The following ERP27 variants were observed in gnomAD, a reference collection of about 807,000 sequenced individuals.
ERP27 encodes the protein endoplasmic reticulum protein 27, also known as endoplasmic reticulum resident protein 27.
ERP27 carries 23 observed loss-of-function variants against 27.7 expected under a neutral mutation model. The ratio of observed to expected loss-of-function variants is 0.83; its 90% CI spans 0.60 to 1.18. The LOEUF is 1.18. Among genes scored for constraint, ERP27 ranks in the 50% most tolerant of loss-of-function variants. The pLI, the probability that ERP27 is intolerant of heterozygous loss-of-function variation, is 0.00. For synonymous variants in ERP27, 159 were observed against 118.3 expected (o/e 1.34, Z -2.23); for missense variants, 363 against 327.9 (o/e 1.11, Z -0.83).
intron 3 of ERP27, 56 bp downstream of exon 3, chr12:14,934,798 ATG>A (rs2120624206): frequency 1.6e-5 from 26 of 1,601,292 alleles, no homozygotes; most frequent in Non-Finnish European, 2.0e-5. Flanking sequence ...TCACAAGTTT[ATG>A]AGTCCACAAC....
chr12:14,938,089 C>G (rs1443775399), intron 1 of ERP27, 37 bp from the exon 2 acceptor site: 2 of 1,531,034 alleles, frequency 1.3e-6, no homozygotes, highest in Non-Finnish European at 1.8e-6. Flanking sequence ...GGTACTGAGG[C>G]AAGAAGAAGC....
At chr12:14,936,646 A>G (rs949938086) in intron 2 of ERP27, among the ~76,000 whole-genome samples, 20 of 152,176 alleles carry the variant, frequency 1.3e-4, no homozygotes, top group African/African-American at 3.4e-4. Context: ...CAGTAATGGG[A>G]TCATGGGGGC....
At chr12:14,914,888 A>G (rs1863384620) in intron 6 of ERP27, 106 bp from the exon 7 acceptor site, 1 of 904,244 alleles carries the variant, frequency 1.1e-6, no homozygotes, top group African/African-American at 1.7e-5. Context: ...CTGTTATATG[A>G]AGTTTGATTT....
At chr12:14,916,707 G>C (rs1863415818) in intron 5 of ERP27, among the ~76,000 whole-genome samples, 1 of 152,098 alleles carries the variant, frequency 6.6e-6, no homozygotes, top group Admixed American at 6.6e-5. Context: ...TGAAGTAGTT[G>C]AAGTTTTACT....
At chr12:14,933,804 T>C (rs939288402) in intron 3 of ERP27, among the ~76,000 whole-genome samples, 4 of 152,186 alleles carry the variant, frequency 2.6e-5, no homozygotes, top group Non-Finnish European at 5.9e-5. Flanking sequence ...TGATATCTAA[T>C]GATCACAGGA....
chr12:14,938,119 A>G, intron 1 of ERP27, 67 bp from the exon 2 acceptor site: 1 of 1,299,288 alleles, frequency 7.7e-7, no homozygotes. Flanking sequence ...TAATGAGGGC[A>G]TCTATACCTT....
At chr12:14,927,726 GCTCTCTAATGCCTTCAGGCACA>G (rs752156865) in intron 3 of ERP27, among the ~76,000 whole-genome samples, 4 of 143,576 alleles carry the variant, frequency 2.8e-5, no homozygotes, top group Non-Finnish European at 6.0e-5. Context: ...TCTTTTACTG[GCTCTCTAATGCCTTCAGGCACA>G]CACACACACA....
rs1863762139 is a variant in ERP27 at position 14,935,622 on chromosome 12, G to T, written c.196-629C>A. On this transcript the variant is annotated intron_variant, in intron 2 of 6. Transcript: ENST00000266397. ...TCCCAACTTCCTGAGACACTTGCTG[G>T]GGCCCAGATGCCTGTGGTTGCCGGT... Among the ~76,000 whole-genome samples, 3 of 152,156 alleles carry T rather than the reference G, an allele frequency of 2.0e-5. No individual in the cohort carries two copies. The South Asian group carries it at 6.2e-4, about 32-fold the overall frequency.
chr12:14,919,514 T>C (rs1446645939), intron 4 of ERP27, among the ~76,000 whole-genome samples: 7 of 152,130 alleles, frequency 4.6e-5, no homozygotes, highest in Non-Finnish European at 8.8e-5. Flanking sequence ...CAGGGGCATA[T>C]GTGTTTGGAG....
chr12:14,935,305 G>C (rs539404675), intron 2 of ERP27: 1 of 218,800 alleles, frequency 4.6e-6, no homozygotes, highest in Admixed American at 6.5e-5. Flanking sequence ...GCCTAGTTTG[G>C]CTGCACTGTT....
chr12:14,917,992 C>A (rs962917435), intron 4 of ERP27, among the ~76,000 whole-genome samples: 1 of 152,218 alleles, frequency 6.6e-6, no homozygotes, highest in South Asian at 2.1e-4. Flanking sequence ...AGCCCCCTCT[C>A]TTGTTGCAAG....
chr12:14,926,946 T>A (rs1360947383), intron 3 of ERP27, among the ~76,000 whole-genome samples: 2 of 152,172 alleles, frequency 1.3e-5, no homozygotes, highest in Non-Finnish European at 2.9e-5. Context: ...TTCCTTAGTA[T>A]GAGATGGAGG....
chr12:14,936,577 A>G (rs982451808), intron 2 of ERP27, among the ~76,000 whole-genome samples: 15 of 152,176 alleles, frequency 9.9e-5, no homozygotes, highest in African/African-American at 3.6e-4. Flanking sequence ...CCTTACCTAA[A>G]ATCTCATCTT....
Position 14,915,666 on chromosome 12 carries a change from G to C in ERP27, c.597C>G (p.Asp199Glu), listed in dbSNP as rs764607565. ...FQGKILFILV[D>E]SGMKENGKVI... is the part of the protein sequence containing the mutation. The stretch of plus-strand genomic sequence containing the variant: ...CCTTCCCATTTTCTTTCATACCACT[G>C]TCCACCAGAATAAAGAGAATCTGCA... The change falls in exon 6 of 7, where the codon GAC (aspartate) becomes GAG (glutamate). Residue 199 changes from aspartate (D) to glutamate (E), a missense_variant. Asp to Glu is a conservative substitution (Grantham distance 45). Coordinates refer to ENST00000266397, the MANE Select transcript of ERP27 (RefSeq NM_152321.4). 4 of 1,613,858 alleles carry C rather than the reference G, an allele frequency of 2.5e-6. No individual in the cohort carries two copies. The highest frequency in any genetic ancestry group is 2.2e-5 in the East Asian group (1 of 44,864).
At position 14,934,879 on chromosome 12, in the gene ERP27, TC is replaced by T. The variant is rs764304691; in HGVS notation, c.309del (p.Asn104ThrfsTer9). ...SEVLTHYNIT[G>X]NTICLFRLVD... ...ACCAGGCGAAAGAGGCAGATGGTGT[TC>T]CCAGTGATGTTGTAGTGTGTCAGAA... is the stretch of plus-strand genomic sequence containing the variant. On this transcript the variant is annotated frameshift_variant, in exon 3 of 7. Coordinates refer to ENST00000266397, the MANE Select transcript of ERP27 (RefSeq NM_152321.4). LOFTEE classifies it high-confidence loss of function. 6.2e-6 allele frequency: 10 copies of T among 1,614,012 alleles called. No homozygotes were observed. The highest frequency in any genetic ancestry group is 8.5e-6 in the Non-Finnish European group (10 of 1,179,926).
rs752722705 is a variant in ERP27 at position 14,921,002 on chromosome 12, A to G, written c.380T>C (p.Ile127Thr). 2.0e-5 allele frequency: 32 copies of G among 1,614,012 alleles called. No individual in the cohort carries two copies. The highest frequency in any genetic ancestry group is 2.7e-5 in the Non-Finnish European group (32 of 1,180,010). ...GAAACGGCTCAATTTGGTGGCATCAATGCTTTCAATGTCTTCGTCCTCTAA... is the reference window on the plus strand; with the variant it reads ...GAAACGGCTCAATTTGGTGGCATCAGTGCTTTCAATGTCTTCGTCCTCTAA... Reference protein sequence around the residue: ...LNLEDEDIESIDATKLSRFIE... With the variant: ...LNLEDEDIESTDATKLSRFIE... The change falls in exon 4 of 7, where the codon ATT (isoleucine) becomes ACT (threonine). Residue 127 changes from isoleucine (I) to threonine (T), a missense_variant. Physicochemically the swap from Ile to Thr is moderately conservative, Grantham distance 89. Transcript: ENST00000266397.
In ERP27 at chr12:14,917,248, T is replaced by C; in HGVS notation, c.506A>G (p.Asn169Ser). The C allele has an allele frequency of 6.2e-7, 1 of 1,614,192 alleles. No homozygotes were observed. The highest frequency in any genetic ancestry group is 8.5e-7 in the Non-Finnish European group (1 of 1,180,014). Residue 169 changes from asparagine (N) to serine (S), a missense_variant, in exon 5 of 7, where the codon AAC (asparagine) becomes AGC (serine). Physicochemically the swap from Asn to Ser is conservative, Grantham distance 46. Transcript: ENST00000266397. Reference protein sequence around the residue: ...VIQIHLLLIMNKASPEYEENM... With the variant: ...VIQIHLLLIMSKASPEYEENM... ...CTCTTCATACTCTGGGGAGGCCTTG[T>C]TCATTATCAGGAGGAGATGAATCTG...
chr12:14,929,133 A>G, intron 3 of ERP27: 1 of 1,457,042 alleles, frequency 6.9e-7, no homozygotes, highest in South Asian at 1.4e-5. Context: ...TGCATGGATC[A>G]AGAATCCCCC....
chr12:14,923,474 A>G (rs1201036684), intron 3 of ERP27, among the ~76,000 whole-genome samples: 1 of 145,002 alleles, frequency 6.9e-6, no homozygotes, highest in East Asian at 2.0e-4. Context: ...ACTATATAAT[A>G]TCTATCTATC....
Sources: gnomAD v4.1 joint callset for allele counts (sites outside exome capture counted in the v4.1 genomes callset) on GRCh38, gnomAD v4.1.1 for gene constraint, MANE v1.5 for transcripts, NCBI Gene and HGNC (gene_info 2026-07-23, HGNC 2026-07-21) for gene names.